Variants in RBFOX1 observed in about 807,000 individuals in gnomAD.
RBFOX1 encodes the protein RNA binding fox-1 homolog 1.
In RBFOX1, 8 loss-of-function variants were observed where a neutral mutation model predicts 57.7. That is an observed-to-expected ratio of 0.14 (90% CI 0.08 to 0.25). RBFOX1 has a LOEUF of 0.25. RBFOX1 is among the 10% of genes least tolerant of loss of function. The probability of loss-of-function intolerance (pLI) is 1.00; values close to 1 mark genes in which losing one functional copy is unlikely to be tolerated. For missense variants in RBFOX1, 611 were observed against 548.5 expected (o/e 1.11, Z -1.14); for synonymous variants, 326 against 222.4 (o/e 1.47, Z -4.15).
intron 1 of RBFOX1, among the ~76,000 whole-genome samples, chr16:6,127,229 A>C (rs1401897695): frequency 2.0e-5 from 3 of 152,150 alleles, no homozygotes; most frequent in Non-Finnish European, 4.4e-5. Context: ...GTTTGGGTTT[A>C]AACAGCAGAA....
intron 3 of RBFOX1, among the ~76,000 whole-genome samples, chr16:6,815,529 C>T (rs2089878532): frequency 6.6e-6 from 1 of 152,190 alleles, no homozygotes; most frequent in Non-Finnish European, 1.5e-5. Context: ...CCAGCATCCC[C>T]TACGCCAGAC....
At chr16:6,156,289 A>G (rs1279996922) in intron 1 of RBFOX1, among the ~76,000 whole-genome samples, 1 of 152,164 alleles carries the variant, frequency 6.6e-6, no homozygotes, top group African/African-American at 2.4e-5. Flanking sequence ...CCCACAGCTA[A>G]TGGAACATTG....
intron 3 of RBFOX1, among the ~76,000 whole-genome samples, chr16:6,758,893 A>T (rs2076196710): frequency 6.6e-6 from 1 of 152,256 alleles, no homozygotes; most frequent in South Asian, 2.1e-4. Flanking sequence ...TAATGGACTG[A>T]AGGTGACATG....
intron 3 of RBFOX1, among the ~76,000 whole-genome samples, chr16:5,755,655 A>T (rs999847084): frequency 6.6e-6 from 1 of 152,140 alleles, no homozygotes; most frequent in Non-Finnish European, 1.5e-5. Flanking sequence ...CTAGAGTACA[A>T]AGGTGCAATT....
intron 3 of RBFOX1, among the ~76,000 whole-genome samples, chr16:6,787,125 C>T (rs937045490): frequency 1.3e-5 from 2 of 152,102 alleles, no homozygotes; most frequent in South Asian, 4.1e-4. Context: ...TTTCCTGCCC[C>T]AATTGAGTGC....
intron 2 of RBFOX1, among the ~76,000 whole-genome samples, chr16:5,491,485 G>C (rs1027821040): frequency 1.3e-5 from 2 of 152,184 alleles, no homozygotes; most frequent in African/African-American, 4.8e-5. Context: ...TAGGAGCACT[G>C]TTTGTAATAG....
intron 3 of RBFOX1, among the ~76,000 whole-genome samples, chr16:6,849,958 G>A (rs765208437): frequency 5.3e-5 from 8 of 152,186 alleles, no homozygotes; most frequent in Admixed American, 2.0e-4. Context: ...TGGAGACTTT[G>A]TCTTTGAATC....
chr16:6,156,090 C>A (rs1335958763), intron 1 of RBFOX1, among the ~76,000 whole-genome samples: 1 of 152,172 alleles, frequency 6.6e-6, no homozygotes, highest in Non-Finnish European at 1.5e-5. Context: ...TTCAAGACCT[C>A]CCCTTTGTTT....
At chr16:6,840,576 A>C (rs1222876357) in intron 3 of RBFOX1, among the ~76,000 whole-genome samples, 1 of 152,018 alleles carries the variant, frequency 6.6e-6, no homozygotes. Flanking sequence ...GCCCTCATGA[A>C]TGGGATTAGT....
At chr16:5,390,077 C>G (rs1369982906) in intron 1 of RBFOX1, among the ~76,000 whole-genome samples, 1 of 152,158 alleles carries the variant, frequency 6.6e-6, no homozygotes, top group East Asian at 1.9e-4. Flanking sequence ...GTATGACATG[C>G]CTACAGAAGA....
chr16:5,625,434 G>C (rs572259880), intron 3 of RBFOX1, among the ~76,000 whole-genome samples: 2 of 152,238 alleles, frequency 1.3e-5, no homozygotes, highest in East Asian at 3.9e-4. Context: ...TCAGGAGTCT[G>C]GTCGGGATTT....
intron 2 of RBFOX1, among the ~76,000 whole-genome samples, chr16:6,608,932 C>G (rs1054144754): frequency 6.6e-6 from 1 of 152,180 alleles, no homozygotes; most frequent in Non-Finnish European, 1.5e-5. Context: ...TTAGAATCCA[C>G]TCTGCTCCCT....
At chr16:6,759,772 A>T (rs2154197857) in intron 3 of RBFOX1, among the ~76,000 whole-genome samples, 1 of 152,332 alleles carries the variant, frequency 6.6e-6, no homozygotes, top group East Asian at 1.9e-4. Flanking sequence ...TAAAGAAATA[A>T]TAAGGAATGT....
At chr16:6,893,595 C>G (rs888381605) in intron 3 of RBFOX1, among the ~76,000 whole-genome samples, 1 of 152,144 alleles carries the variant, frequency 6.6e-6, no homozygotes, top group African/African-American at 2.4e-5. Context: ...AGAATCTCCT[C>G]TCCAGTTTTT....
intron 3 of RBFOX1, among the ~76,000 whole-genome samples, chr16:5,699,610 G>T (rs11865306): frequency 0.017 from 2,647 of 152,096 alleles, 98 homozygotes; most frequent in African/African-American, 0.06. Context: ...ATTTTTGGTT[G>T]TCAGCTCTGG....
intron 1 of RBFOX1, among the ~76,000 whole-genome samples, chr16:5,314,206 G>A (rs1006636330): frequency 1.3e-5 from 2 of 152,220 alleles, no homozygotes; most frequent in East Asian, 3.8e-4. Flanking sequence ...GGTATTGGAT[G>A]GAGTTGGAGT....
At chr16:6,417,147 G>C (rs189836214) in intron 2 of RBFOX1, among the ~76,000 whole-genome samples, 1 of 152,182 alleles carries the variant, frequency 6.6e-6, no homozygotes, top group East Asian at 1.9e-4. Flanking sequence ...AAGTAGCTGA[G>C]ATTACAGGTG....
At chr16:6,104,132 A>AACACACACAC (rs112249231) in intron 1 of RBFOX1, among the ~76,000 whole-genome samples, 47 of 148,470 alleles carry the variant, frequency 3.2e-4, no homozygotes, top group Non-Finnish European at 4.2e-4. Context: ...TCCCAGTTGA[A>AACACACACAC]ACACACACAC....
chr16:7,654,406 C>A (rs3785219), intron 12 of RBFOX1, among the ~76,000 whole-genome samples: 2 of 151,930 alleles, frequency 1.3e-5, no homozygotes, highest in African/African-American at 4.8e-5. Context: ...GGTCACGAAC[C>A]TTTGCCTGCA....
Sources: allele counts gnomAD v4.1 joint callset (sites outside exome capture counted in the v4.1 genomes callset), GRCh38; gene constraint gnomAD v4.1.1; transcripts MANE v1.5; gene names NCBI Gene and HGNC (gene_info 2026-07-23, HGNC 2026-07-21).